Variants in BICD1 observed in about 807,000 individuals in gnomAD.
BICD1 encodes the protein protein bicaudal D homolog 1.
In BICD1, 35 loss-of-function variants were observed where a neutral mutation model predicts 92.5. The observed-to-expected ratio is 0.38, with a 90% CI of 0.29 to 0.50. The LOEUF (loss-of-function observed/expected upper bound fraction) is 0.50, where lower values mean the gene tolerates loss of function less well. Ranked by LOEUF, BICD1 falls within the 20% of genes least tolerant of loss-of-function variation. The pLI, the probability that BICD1 is intolerant of heterozygous loss-of-function variation, is 0.93. For missense variants in BICD1, 950 were observed against 1,189.8 expected (o/e 0.80, Z 2.97); for synonymous variants, 429 against 465.1 (o/e 0.92, Z 1.00).
chr12:32,205,436 C>T (rs1252181602), intron 1 of BICD1, among the ~76,000 whole-genome samples: 2 of 152,044 alleles, frequency 1.3e-5, no homozygotes, highest in African/African-American at 4.8e-5. Context: ...TAATGCTACT[C>T]AAATTGTACC....
At chr12:32,330,448 T>G in intron 5 of BICD1, among the ~76,000 whole-genome samples, 1 of 148,296 alleles carries the variant, frequency 6.7e-6, no homozygotes, top group African/African-American at 2.5e-5. Context: ...GGGAGAGGGA[T>G]AGCATTAGGA....
chr12:32,108,529 T>C, intron 1 of BICD1: 1 of 558,374 alleles, frequency 1.8e-6, no homozygotes. Flanking sequence ...AAATGTAATA[T>C]ACACTCCTTT....
chr12:32,293,526 C>A (rs1947778046), intron 2 of BICD1, among the ~76,000 whole-genome samples: 1 of 150,850 alleles, frequency 6.6e-6, no homozygotes, highest in Non-Finnish European at 1.5e-5. Context: ...GACGGGGTTT[C>A]ACCATGTTGG....
intron 1 of BICD1, among the ~76,000 whole-genome samples, chr12:32,173,316 C>T (rs545711945): frequency 6.6e-6 from 1 of 152,140 alleles, no homozygotes; most frequent in Non-Finnish European, 1.5e-5. Context: ...TCCCAAAGTG[C>T]CGGGATTACA....
At chr12:32,371,952 A>G (rs933222672) in intron 9 of BICD1, among the ~76,000 whole-genome samples, 4 of 152,186 alleles carry the variant, frequency 2.6e-5, no homozygotes, top group Admixed American at 6.6e-5. Context: ...TCAAGGTCAC[A>G]TATCCTGAAC....
intron 4 of BICD1, among the ~76,000 whole-genome samples, chr12:32,322,198 G>T (rs1254207074): frequency 1.3e-5 from 2 of 151,760 alleles, no homozygotes; most frequent in Non-Finnish European, 2.9e-5. Flanking sequence ...TAGATAGATA[G>T]ATATGATATA....
intron 3 of BICD1, among the ~76,000 whole-genome samples, chr12:32,299,780 C>T (rs958855612): frequency 1.3e-5 from 2 of 152,152 alleles, no homozygotes; most frequent in African/African-American, 4.8e-5. Context: ...CCACTGGACT[C>T]CTGCCTGGGT....
chr12:32,243,855 A>G (rs191248374), intron 2 of BICD1, among the ~76,000 whole-genome samples: 1 of 152,280 alleles, frequency 6.6e-6, no homozygotes, highest in East Asian at 1.9e-4. Flanking sequence ...CAATGTGTTC[A>G]TCTACATGAG....
At chr12:32,344,172 G>A (rs16919768) in intron 8 of BICD1, among the ~76,000 whole-genome samples, 53,972 of 151,970 alleles carry the variant, frequency 0.36, 11,553 homozygotes, top group African/African-American at 0.6. Flanking sequence ...GGTTAGGAAC[G>A]TCCTTCCAGA....
rs566641047 is a variant in BICD1 at position 32,162,335 on chromosome 12, A to G, written c.214-53912A>G. On this transcript the variant is annotated intron_variant, in intron 1 of 9. Transcript: ENST00000652176. The stretch of plus-strand genomic sequence containing the variant: ...TCTATTCTACTTCCTTAAAGCTTAC[A>G]TTCCATTAACAGTCTTTGGAAGAAT... Among the ~76,000 whole-genome samples, 287 of 152,368 alleles carry G rather than the reference A, an allele frequency of 1.9e-3. 14 individuals are homozygous for G. In the South Asian group the frequency reaches 0.058, roughly 31 times the overall value.
chr12:32,146,048 A>C (rs182160067), intron 1 of BICD1, among the ~76,000 whole-genome samples: 1 of 152,330 alleles, frequency 6.6e-6, no homozygotes, highest in Admixed American at 6.5e-5. Flanking sequence ...AATTAATCAA[A>C]TTTCCATATT....
At chr12:32,178,253 G>T (rs1363938616) in intron 1 of BICD1, among the ~76,000 whole-genome samples, 1 of 151,890 alleles carries the variant, frequency 6.6e-6, no homozygotes, top group East Asian at 1.9e-4. Flanking sequence ...TTCATAACAT[G>T]AAGAGATCAC....
In BICD1 at chr12:32,306,404, C is replaced by T. The variant is rs1004248889; in HGVS notation, c.1005+282C>T. Among the ~76,000 whole-genome samples the T allele has an allele frequency of 1.1e-4, 17 of 151,820 alleles. No individual in the cohort carries two copies. The East Asian group carries it at 1.6e-3, about 14-fold the overall frequency. ...GACTACAGGTGCCCGCCACCATGCC[C>T]GGCTAATTTTTTTGTATTTTTAGTA... On this transcript the variant is annotated intron_variant, in intron 4 of 9. Transcript: ENST00000652176.
At chr12:32,346,550 A>G (rs1283596440) in intron 8 of BICD1, among the ~76,000 whole-genome samples, 1 of 27,670 alleles carries the variant, frequency 3.6e-5, no homozygotes, top group African/African-American at 2.7e-4. Context: ...ATATATATAT[A>G]TATATATATA....
intron 1 of BICD1, among the ~76,000 whole-genome samples, chr12:32,117,681 CATATAT>C (rs59928422): frequency 7.3e-6 from 1 of 136,996 alleles, no homozygotes. Context: ...TACGCTTAGT[CATATAT>C]ATATATATAT....
intron 1 of BICD1, among the ~76,000 whole-genome samples, chr12:32,152,298 G>A (rs1260966319): frequency 6.6e-6 from 1 of 150,896 alleles, no homozygotes; most frequent in Non-Finnish European, 1.5e-5. Flanking sequence ...ACATAGGCTG[G>A]TGTGCCATGG....
At chr12:32,142,491 G>T (rs879569904) in intron 1 of BICD1, among the ~76,000 whole-genome samples, 3,973 of 91,124 alleles carry the variant, frequency 0.044, 77 homozygotes, top group Non-Finnish European at 0.063. Flanking sequence ...TCTATCTATT[G>T]GTCTATCTAT....
intron 7 of BICD1, chr12:32,338,341 A>G (rs1339584851): frequency 5.8e-6 from 1 of 173,182 alleles, no homozygotes; most frequent in East Asian, 1.7e-4. Flanking sequence ...ATAAAATGGG[A>G]TGGAATACGC....
intron 1 of BICD1, among the ~76,000 whole-genome samples, chr12:32,160,784 A>C (rs1481857398): frequency 7.1e-6 from 1 of 141,138 alleles, no homozygotes; most frequent in African/African-American, 2.7e-5. Context: ...ATTAAGTTTC[A>C]GGTATCATAC....
Sources: allele counts gnomAD v4.1 joint callset (sites outside exome capture counted in the v4.1 genomes callset), GRCh38; gene constraint gnomAD v4.1.1; transcripts MANE v1.5; gene names NCBI Gene and HGNC (gene_info 2026-07-23, HGNC 2026-07-21).